Variants in ZNF407 observed in about 807,000 individuals in gnomAD.
ZNF407 encodes zinc finger protein 407.
ZNF407 carries 17 observed loss-of-function variants against 131.2 expected under a neutral mutation model. That is an observed-to-expected ratio of 0.13 (90% confidence interval 0.09 to 0.19). The LOEUF is 0.19. Ranked by LOEUF, ZNF407 falls within the 10% of genes least tolerant of loss-of-function variation. The pLI is 1.00. For missense variants in ZNF407, 2,681 were observed against 2,830.6 expected (o/e 0.95, Z 1.20); for synonymous variants, 1,156 against 1,062.0 (o/e 1.09, Z -1.72).
intron 8 of ZNF407, among the ~76,000 whole-genome samples, chr18:74,942,695 G>T (rs1225793938): frequency 1.3e-5 from 2 of 152,122 alleles, no homozygotes; most frequent in Non-Finnish European, 2.9e-5. Flanking sequence ...CTGCCTTGGT[G>T]CCCATCTGGG....
chr18:74,895,340 C>T (rs1410759630), intron 7 of ZNF407, among the ~76,000 whole-genome samples: 1 of 151,578 alleles, frequency 6.6e-6, no homozygotes, highest in Admixed American at 6.6e-5. Flanking sequence ...TCTTTGATTT[C>T]ACATCTAAAC....
chr18:74,841,859 G>A (rs975234945), intron 4 of ZNF407, among the ~76,000 whole-genome samples: 1 of 152,294 alleles, frequency 6.6e-6, no homozygotes, highest in East Asian at 1.9e-4. Flanking sequence ...AAATGTCAGC[G>A]TCATTAGGAA....
chr18:74,933,319 G>A lies in ZNF407; in HGVS notation c.5428+12627G>A, dbSNP rs545425963. Among the ~76,000 whole-genome samples the A allele has an allele frequency of 3.3e-5, 5 of 152,282 alleles. No individual in the cohort carries two copies. In the South Asian group the frequency reaches 8.3e-4, roughly 25 times the overall value. On this transcript the variant is annotated intron_variant, in intron 8 of 8. Coordinates refer to ENST00000299687, the MANE Select transcript of ZNF407 (RefSeq NM_017757.3). ...ATGGCTTACATTGATAAGTATAATT[G>A]CATTATAATTCCACTTACAGATGAT...
intron 3 of ZNF407, among the ~76,000 whole-genome samples, chr18:74,714,615 CT>C (rs1226779232): frequency 6.6e-6 from 1 of 152,084 alleles, no homozygotes; most frequent in East Asian, 1.9e-4. Context: ...TGGCATGATG[CT>C]TTCAACTTTA....
intron 4 of ZNF407, among the ~76,000 whole-genome samples, chr18:74,834,710 C>A (rs1270531448): frequency 1.3e-5 from 2 of 152,178 alleles, no homozygotes; most frequent in Non-Finnish European, 2.9e-5. Context: ...AGGCTGAGCA[C>A]TAGTGCAGGG....
intron 3 of ZNF407, among the ~76,000 whole-genome samples, chr18:74,720,496 T>C (rs1968004874): frequency 1.3e-5 from 2 of 152,132 alleles, no homozygotes; most frequent in African/African-American, 4.8e-5. Flanking sequence ...GTGCAGAACC[T>C]TTTTAGTTTG....
intron 8 of ZNF407, among the ~76,000 whole-genome samples, chr18:74,954,810 T>C (rs1048128123): frequency 2.6e-5 from 4 of 152,208 alleles, no homozygotes; most frequent in Non-Finnish European, 5.9e-5. Flanking sequence ...ATCAACACCA[T>C]CATTGCCATC....
intron 8 of ZNF407, among the ~76,000 whole-genome samples, chr18:74,968,353 A>G (rs1374898306): frequency 6.6e-6 from 1 of 152,168 alleles, no homozygotes; most frequent in Non-Finnish European, 1.5e-5. Flanking sequence ...ATAAATCTCA[A>G]ATGTCCATGA....
At chr18:74,700,281 G>A (rs1361215178) in intron 3 of ZNF407, among the ~76,000 whole-genome samples, 3 of 152,064 alleles carry the variant, frequency 2.0e-5, no homozygotes, top group Non-Finnish European at 2.9e-5. Context: ...CACTTTCTTC[G>A]GAGAAAGTTC....
chr18:74,985,256 C>T (rs1972639508), intron 8 of ZNF407, among the ~76,000 whole-genome samples: 2 of 152,298 alleles, frequency 1.3e-5, no homozygotes, highest in Non-Finnish European at 2.9e-5. Flanking sequence ...ACCCTTTATA[C>T]ATTAATATGT....
intron 3 of ZNF407, among the ~76,000 whole-genome samples, chr18:74,647,427 G>C (rs1276742044): frequency 6.6e-6 from 1 of 152,108 alleles, no homozygotes; most frequent in African/African-American, 2.4e-5. Flanking sequence ...CTGGGCAACA[G>C]AGCGGGACCC....
Position 74,631,932 on chromosome 18 carries a change from C to A in ZNF407, c.913C>A (p.Pro305Thr), listed in dbSNP as rs762079638. The change falls in exon 2 of 9, where the codon CCA becomes ACA. Residue 305 changes from proline (P) to threonine (T), a missense_variant. Pro to Thr is a conservative substitution (Grantham distance 38, BLOSUM62 -1). This residue lies in a region of ZNF407 where 1,789 missense variants were observed against 1,748.7 expected (regional missense o/e 1.02). Transcript: ENST00000299687. Reference protein sequence around the residue: ...TMATKNVHSKPRTSKSIAKNS... With the variant: ...TMATKNVHSKTRTSKSIAKNS... Reference sequence around the variant, plus strand: ...GGCAACAAAAAATGTTCACTCAAAACCAAGAACTTCTAAATCAATAGCAAA... The same window carrying A: ...GGCAACAAAAAATGTTCACTCAAAAACAAGAACTTCTAAATCAATAGCAAA... 6.2e-7 allele frequency: 1 copy of A among 1,613,886 alleles called. No homozygotes were observed. Among genetic ancestry groups the A allele is most frequent in the South Asian group, 1.1e-5 (1 of 91,054 alleles).
chr18:74,676,095 A>G (rs910262777), intron 3 of ZNF407, among the ~76,000 whole-genome samples: 2 of 151,820 alleles, frequency 1.3e-5, no homozygotes, highest in Non-Finnish European at 2.9e-5. Flanking sequence ...TTCCTCTTAG[A>G]ATTTTTTTTT....
chr18:74,829,281 A>G (rs1970450528), intron 4 of ZNF407, among the ~76,000 whole-genome samples: 1 of 152,220 alleles, frequency 6.6e-6, no homozygotes, highest in African/African-American at 2.4e-5. Context: ...TGCACTGTTT[A>G]GTAATGTAGA....
At chr18:74,853,609 A>G (rs1970819485) in intron 4 of ZNF407, among the ~76,000 whole-genome samples, 1 of 152,194 alleles carries the variant, frequency 6.6e-6, no homozygotes, top group African/African-American at 2.4e-5. Flanking sequence ...ACTGTAACTC[A>G]TATGTCCTTC....
intron 3 of ZNF407, among the ~76,000 whole-genome samples, chr18:74,733,142 G>A (rs952175934): frequency 2.6e-5 from 4 of 151,674 alleles, no homozygotes; most frequent in African/African-American, 9.7e-5. Context: ...GATATAATAA[G>A]CAAGATAATT....
intron 3 of ZNF407, among the ~76,000 whole-genome samples, chr18:74,662,229 A>G (rs538150232): frequency 6.6e-6 from 1 of 152,296 alleles, no homozygotes; most frequent in East Asian, 1.9e-4. Flanking sequence ...GCACATTTAA[A>G]TGGTAACTCA....
intron 3 of ZNF407, among the ~76,000 whole-genome samples, chr18:74,742,667 C>T (rs1968577394): frequency 6.6e-6 from 1 of 152,000 alleles, no homozygotes; most frequent in Admixed American, 6.6e-5. Flanking sequence ...TTTGTTTGTT[C>T]GTTTTGCTTA....
At chr18:74,995,915 T>TA (rs1391933950) in intron 8 of ZNF407, among the ~76,000 whole-genome samples, 4 of 152,246 alleles carry the variant, frequency 2.6e-5, no homozygotes, top group Admixed American at 2.0e-4. Context: ...CTTGGGATTA[T>TA]AAGGCCATGT....
Sources: gnomAD v4.1 joint callset for allele counts (sites outside exome capture counted in the v4.1 genomes callset) on GRCh38, gnomAD v4.1.1 for gene constraint, gnomAD v4.1.1 regional missense constraint, MANE v1.5 for transcripts, NCBI Gene and HGNC (gene_info 2026-07-23, HGNC 2026-07-21) for gene names.